The following TPRX1 variants were observed in gnomAD, a reference collection of about 807,000 sequenced individuals.
TPRX1 encodes tetra-peptide repeat homeobox protein 1.
In TPRX1, 2 loss-of-function variants were observed where a neutral mutation model predicts 8.1. That is an observed-to-expected ratio of 0.25 (90% CI 0.10 to 0.78). The LOEUF is 0.78. Ranked by LOEUF, TPRX1 falls within the 30% of genes least tolerant of loss-of-function variation. The probability of loss-of-function intolerance (pLI) is 0.70; values close to 1 mark genes in which losing one functional copy is unlikely to be tolerated. For missense variants in TPRX1, 517 were observed against 586.9 expected (o/e 0.88, Z 1.23); for synonymous variants, 257 against 254.1 (o/e 1.01, Z -0.11).
intron 2 of TPRX1, among the ~76,000 whole-genome samples, chr19:47,815,164 T>TATATATATATA (rs1228376903): frequency 2.0e-5 from 1 of 49,910 alleles, no homozygotes; most frequent in African/African-American, 8.0e-5. Flanking sequence ...ATATATATAT[T>TATATATATATA]TTTTTTTTTT....
Position 47,802,131 on chromosome 19 carries a change from G to C in TPRX1, c.1171C>G (p.Arg391Gly), listed in dbSNP as rs754457350. The change falls in exon 4 of 4, where the codon CGA (arginine) becomes GGA (glycine). Residue 391 changes from arginine to glycine, a missense_variant. Physicochemically the swap from Arg to Gly is moderately radical, Grantham distance 125 (BLOSUM62 -2). This residue lies in a region of TPRX1 where 506 missense variants were observed against 515.5 expected (regional missense o/e 0.98). Transcript: ENST00000535759. The stretch of plus-strand genomic sequence containing the variant: ...AGGCCTGGAAGTGAGCCAGGGCTTC[G>C]CATCCGGCCAGGACTTAAGATGGGA... 12 of 1,584,744 alleles carry C rather than the reference G, an allele frequency of 7.6e-6. No individual in the cohort carries two copies. Among genetic ancestry groups the C allele is most frequent in the South Asian group, 5.9e-5 (5 of 85,356 alleles).
At chr19:47,815,160 A>T (rs1387719659) in intron 2 of TPRX1, among the ~76,000 whole-genome samples, 1,217 of 84,438 alleles carry the variant, frequency 0.014, 34 homozygotes, top group African/African-American at 0.055. Context: ...ATATATATAT[A>T]TATTTTTTTT....
chr19:47,806,050 C>T (rs1279741058), intron 2 of TPRX1, among the ~76,000 whole-genome samples: 1 of 149,278 alleles, frequency 6.7e-6, no homozygotes. Context: ...CATGGCGAAA[C>T]CCTGTCTACT....
At chr19:47,803,437 T>C in intron 3 of TPRX1, 67 bp downstream of exon 2, 1 of 789,268 alleles carries the variant, frequency 1.3e-6, no homozygotes, top group South Asian at 1.5e-5. Flanking sequence ...CAGGCCCCGG[T>C]GAGTGACAGC....
chr19:47,804,937 C>G (rs369477143), intron 2 of TPRX1, among the ~76,000 whole-genome samples: 6 of 152,204 alleles, frequency 3.9e-5, no homozygotes, highest in Non-Finnish European at 7.4e-5. Context: ...GCTGGGGCCC[C>G]GAGTGACCAA....
rs34265596 is a variant in TPRX1, at chr19:47,815,646, CA to C, written c.151+2821del. Among the ~76,000 whole-genome samples the C allele has an allele frequency of 4.6e-3, 275 of 60,276 alleles. 1 individual carries two copies. The highest frequency in any genetic ancestry group is 0.021 in the Middle Eastern group (2 of 94). The allele number at this position is 60,276 out of a possible 152,430, so 39.5% of individuals were successfully genotyped here. On this transcript the variant is annotated intron_variant, in intron 2 of 3. Coordinates refer to ENST00000535759, the Ensembl canonical transcript of TPRX1. ...CAACATAATGAGACCCCCGTCTCTA[CA>C]AAAAAAAAAAAAAAAAAAAGCAGGT...
chr19:47,815,127 T>TATATATATATGCAA (rs1555800021), intron 2 of TPRX1, among the ~76,000 whole-genome samples: 8 of 105,040 alleles, frequency 7.6e-5, no homozygotes, highest in African/African-American at 1.8e-4. Flanking sequence ...TATATATATA[T>TATATATATATGCAA]ATATATATAT....
At chr19:47,814,028 T>C (rs1320710516) in intron 2 of TPRX1, among the ~76,000 whole-genome samples, 1 of 150,326 alleles carries the variant, frequency 6.7e-6, no homozygotes, top group Non-Finnish European at 1.5e-5. Flanking sequence ...GGGAACCACA[T>C]TTAAGGGGTT....
At position 47,802,192 on chromosome 19, in the gene TPRX1, G is replaced by T. The variant is rs772154586; in HGVS notation, c.1110C>A (p.Ala370=). The T allele has an allele frequency of 5.0e-6, 8 of 1,611,178 alleles. No homozygotes were observed. The Admixed American group carries it at 1.3e-4, about 27-fold the overall frequency. Residue 370 remains alanine, a synonymous_variant, in exon 4 of 4, where the codon GCC becomes GCA. Coordinates refer to ENST00000535759, the Ensembl canonical transcript of TPRX1. ...GGAGTCTGCCTGGGCCTGGGATCTG[G>T]GCTGGGCTGGGAATCGGGCCTATAA...
intron 2 of TPRX1, among the ~76,000 whole-genome samples, chr19:47,818,237 C>A (rs904865244): frequency 1.3e-5 from 2 of 148,850 alleles, no homozygotes; most frequent in Admixed American, 1.3e-4. Flanking sequence ...TCCATCCACC[C>A]ATCCATCACC....
intron 2 of TPRX1, chr19:47,818,340 TCATCCATC>T (rs368266036): frequency 2.6e-5 from 6 of 228,326 alleles, no homozygotes; most frequent in African/African-American, 5.3e-5. Flanking sequence ...CATCCATCCA[TCATCCATC>T]CATCCATCCA....
At chr19:47,815,157 TATA>T (rs1568617440) in intron 2 of TPRX1, among the ~76,000 whole-genome samples, 17 of 89,202 alleles carry the variant, frequency 1.9e-4, no homozygotes, top group African/African-American at 7.7e-4. Flanking sequence ...AATATATATA[TATA>T]TATTTTTTTT....
At chr19:47,814,947 G>GT (rs1967817936) in intron 2 of TPRX1, among the ~76,000 whole-genome samples, 1 of 150,720 alleles carries the variant, frequency 6.6e-6, no homozygotes, top group Admixed American at 6.6e-5. Flanking sequence ...TTACAGGCAT[G>GT]TGCCACCATG....
chr19:47,801,871 G>T, exon 4 of TPRX1: 1 of 1,614,120 alleles, frequency 6.2e-7, no homozygotes, highest in Non-Finnish European at 8.5e-7. Flanking sequence ...TGCCCATAGA[G>T]TCATCCCCTT....
intron 2 of TPRX1, among the ~76,000 whole-genome samples, chr19:47,813,106 C>CAAAAATAAATAA (rs1661452460): frequency 1.1e-5 from 1 of 90,330 alleles, no homozygotes; most frequent in African/African-American, 3.9e-5. Context: ...GACTGTGTCT[C>CAAAAATAAATAA]AAAAATAAAT....
At chr19:47,804,265 G>C (rs1349680441) in intron 2 of TPRX1, among the ~76,000 whole-genome samples, 1 of 151,602 alleles carries the variant, frequency 6.6e-6, no homozygotes, top group East Asian at 1.9e-4. Flanking sequence ...ATGTTGGCTC[G>C]GCTGGTTTCA....
chr19:47,809,570 C>A (rs10418640), intron 2 of TPRX1, among the ~76,000 whole-genome samples: 10,119 of 152,090 alleles, frequency 0.067, 442 homozygotes, highest in Middle Eastern at 0.11. Flanking sequence ...GGTGTGAGCA[C>A]AATATATTTG....
At chr19:47,818,669 A>C (rs1967873706) in intron 1 of TPRX1, 2 of 399,608 alleles carry the variant, frequency 5.0e-6, no homozygotes, top group Non-Finnish European at 1.0e-5. Context: ...GCCTGGAGTG[A>C]AACTCATCAA....
At chr19:47,818,373 A>C in intron 2 of TPRX1, 1 of 359,720 alleles carries the variant, frequency 2.8e-6, no homozygotes, top group Non-Finnish European at 5.4e-6. Flanking sequence ...TCCATCATCC[A>C]TCACCCATCC....
Sources: gnomAD v4.1 joint callset for allele counts (sites outside exome capture counted in the v4.1 genomes callset) on GRCh38, gnomAD v4.1.1 for gene constraint, gnomAD v4.1.1 regional missense constraint, MANE v1.5 for transcripts, NCBI Gene and HGNC (gene_info 2026-07-23, HGNC 2026-07-21) for gene names.